NPAS3: variants seen among roughly 807,000 people sequenced by gnomAD.
NPAS3 encodes neuronal PAS domain protein 3, also known as neuronal PAS domain-containing protein 3.
In NPAS3, 14 loss-of-function variants were observed where a neutral mutation model predicts 73.1. The ratio of observed to expected loss-of-function variants is 0.19; its 90% CI spans 0.13 to 0.30. The LOEUF (loss-of-function observed/expected upper bound fraction) is 0.30, where lower values mean the gene tolerates loss of function less well. NPAS3 is among the 10% of genes least tolerant of loss of function. The pLI is 1.00. For synonymous variants in NPAS3, 620 were observed against 541.5 expected (o/e 1.14, Z -2.01); for missense variants, 1,096 against 1,250.0 (o/e 0.88, Z 1.86).
At chr14:33,505,739 A>T (rs547323335) in intron 4 of NPAS3, among the ~76,000 whole-genome samples, 1 of 152,152 alleles carries the variant, frequency 6.6e-6, no homozygotes, top group Admixed American at 6.5e-5. Flanking sequence ...TCAAAGATAC[A>T]CAGTTGAACA....
chr14:33,134,368 C>CT (rs2043756073), intron 2 of NPAS3, among the ~76,000 whole-genome samples: 1 of 152,066 alleles, frequency 6.6e-6, no homozygotes, highest in African/African-American at 2.4e-5. Flanking sequence ...GTCAACGGCG[C>CT]TATCATTTCA....
At chr14:33,789,948 C>T (rs992780949) in intron 9 of NPAS3, among the ~76,000 whole-genome samples, 5 of 152,062 alleles carry the variant, frequency 3.3e-5, no homozygotes, top group African/African-American at 2.4e-5. Context: ...GTGAATTCAG[C>T]GAGAGACACA....
chr14:33,802,376 T>TAAAAAAAAAAAAAAAAAAAAAAAAAAAA (rs71293230), downstream of NPAS3: 1 of 95,724 alleles, frequency 1.0e-5, no homozygotes, highest in Non-Finnish European at 2.0e-5. Flanking sequence ...GCACATTAAG[T>TAAAAAAAAAAAAAAAAAAAAAAAAAAAA]AAAAAAAAAA....
intron 2 of NPAS3, among the ~76,000 whole-genome samples, chr14:33,058,749 A>AT (rs1328545128): frequency 6.6e-6 from 1 of 152,192 alleles, no homozygotes; most frequent in African/African-American, 2.4e-5. Flanking sequence ...ATAACTGCAC[A>AT]TATGTGTTTA....
At chr14:32,945,471 G>A (rs2036212211) in intron 1 of NPAS3, among the ~76,000 whole-genome samples, 1 of 152,158 alleles carries the variant, frequency 6.6e-6, no homozygotes, top group African/African-American at 2.4e-5. Flanking sequence ...TGAGGGAAGT[G>A]CTAATATCCC....
At chr14:32,983,529 CT>C (rs1266599617) in intron 1 of NPAS3, among the ~76,000 whole-genome samples, 1 of 151,918 alleles carries the variant, frequency 6.6e-6, no homozygotes, top group African/African-American at 2.4e-5. Context: ...CAAAATTTCC[CT>C]TTATAGATGA....
At chr14:33,533,762 C>G (rs369366845) in intron 4 of NPAS3, among the ~76,000 whole-genome samples, 1 of 151,868 alleles carries the variant, frequency 6.6e-6, no homozygotes, top group Non-Finnish European at 1.5e-5. Flanking sequence ...TATGTGGTGA[C>G]GTGAAAAGAG....
At chr14:33,442,304 G>T (rs1450191322) in intron 4 of NPAS3, among the ~76,000 whole-genome samples, 2 of 152,122 alleles carry the variant, frequency 1.3e-5, no homozygotes, top group East Asian at 3.9e-4. Flanking sequence ...GAACATGGTG[G>T]TGCCTGCCTG....
intron 3 of NPAS3, among the ~76,000 whole-genome samples, chr14:33,329,560 A>C (rs28564912): frequency 0.07 from 10,700 of 152,104 alleles, 976 homozygotes; most frequent in East Asian, 0.24. Context: ...GTCTTCCAGG[A>C]GAATTGAAAG....
At chr14:33,272,474 T>C (rs1305616362) in intron 3 of NPAS3, among the ~76,000 whole-genome samples, 1 of 152,168 alleles carries the variant, frequency 6.6e-6, no homozygotes, top group Non-Finnish European at 1.5e-5. Context: ...TGGAGTGTAG[T>C]AGCATGATCT....
At chr14:33,276,580 A>T (rs753978450) in intron 3 of NPAS3, among the ~76,000 whole-genome samples, 3 of 152,056 alleles carry the variant, frequency 2.0e-5, no homozygotes, top group Admixed American at 1.3e-4. Context: ...CCACTTCCTA[A>T]CTCTGAGATC....
At chr14:33,087,052 T>G (rs1173142595) in intron 2 of NPAS3, among the ~76,000 whole-genome samples, 3 of 147,382 alleles carry the variant, frequency 2.0e-5, no homozygotes, top group African/African-American at 7.7e-5. Context: ...ACATTAAATG[T>G]GGCAGCAGAA....
chr14:33,125,442 T>C (rs1284099999), intron 2 of NPAS3, among the ~76,000 whole-genome samples: 2 of 152,078 alleles, frequency 1.3e-5, no homozygotes, highest in African/African-American at 2.4e-5. Context: ...ATGAGATTTT[T>C]TTTTCCTGAC....
intron 3 of NPAS3, among the ~76,000 whole-genome samples, chr14:33,349,619 T>A (rs1391841120): frequency 6.6e-6 from 1 of 152,236 alleles, no homozygotes; most frequent in Non-Finnish European, 1.5e-5. Context: ...TTGGCTTGTT[T>A]GAAAACTATT....
At chr14:33,551,477 T>G (rs1223279555) in intron 4 of NPAS3, among the ~76,000 whole-genome samples, 1 of 152,102 alleles carries the variant, frequency 6.6e-6, no homozygotes, top group Non-Finnish European at 1.5e-5. Flanking sequence ...ACATCAGGGG[T>G]GTGTTTTCAG....
chr14:33,177,034 T>C (rs2045611665), intron 2 of NPAS3, among the ~76,000 whole-genome samples: 1 of 150,372 alleles, frequency 6.7e-6, no homozygotes, highest in African/African-American at 2.4e-5. Flanking sequence ...GAAGTGTCTA[T>C]CCAGATTCTT....
chr14:33,099,963 C>T (rs2042535126), intron 2 of NPAS3, among the ~76,000 whole-genome samples: 1 of 152,026 alleles, frequency 6.6e-6, no homozygotes, highest in African/African-American at 2.4e-5. Flanking sequence ...TTAAGTTTTC[C>T]ATTATTTTGT....
intron 3 of NPAS3, among the ~76,000 whole-genome samples, chr14:33,245,403 G>T (rs1331134242): frequency 6.6e-6 from 1 of 152,110 alleles, no homozygotes; most frequent in Non-Finnish European, 1.5e-5. Context: ...TCTATCTCCA[G>T]ATCCAAAGCC....
chr14:33,768,779 CG>C (rs2062547372), intron 7 of NPAS3, among the ~76,000 whole-genome samples: 3 of 152,212 alleles, frequency 2.0e-5, no homozygotes, highest in South Asian at 4.2e-4. Context: ...TTATTTTTAC[CG>C]CCCCCCACCA....
Sources: allele counts gnomAD v4.1 joint callset (sites outside exome capture counted in the v4.1 genomes callset), GRCh38; gene constraint gnomAD v4.1.1; transcripts MANE v1.5; gene names NCBI Gene and HGNC (gene_info 2026-07-23, HGNC 2026-07-21).